Variants in SEC23B observed in about 807,000 individuals in gnomAD.
SEC23B encodes the protein SEC23 homolog B, COPII component, also known as protein transport protein Sec23B.
SEC23B carries 77 observed loss-of-function variants against 104.3 expected under a neutral mutation model. The observed-to-expected ratio is 0.74, with a 90% CI of 0.61 to 0.89. The LOEUF (loss-of-function observed/expected upper bound fraction) is 0.89. Ranked by LOEUF, SEC23B falls within the 40% of genes least tolerant of loss-of-function variation. The probability of loss-of-function intolerance (pLI) is 0.00; values close to 1 mark genes in which losing one functional copy is unlikely to be tolerated. For missense variants in SEC23B, 885 were observed against 949.4 expected (o/e 0.93, Z 0.89); for synonymous variants, 338 against 332.5 (o/e 1.02, Z -0.18).
intron 12 of SEC23B, among the ~76,000 whole-genome samples, chr20:18,539,348 AC>A (rs1194438582): frequency 6.6e-6 from 1 of 151,712 alleles, no homozygotes; most frequent in Non-Finnish European, 1.5e-5. Flanking sequence ...TACTAAAAAT[AC>A]AAAAAACAAA....
chr20:18,537,211 A>G (rs377069706), intron 12 of SEC23B, among the ~76,000 whole-genome samples: 1 of 151,248 alleles, frequency 6.6e-6, no homozygotes, highest in African/African-American at 2.4e-5. Context: ...AACTAGAAAT[A>G]CCATTTGACC....
intron 12 of SEC23B, 132 bp from the exon 13 acceptor site, chr20:18,542,164 T>G: frequency 1.2e-6 from 1 of 823,932 alleles, no homozygotes; most frequent in Non-Finnish European, 2.1e-6. Context: ...AAATCCTAAG[T>G]GTGCCCTTCA....
intron 9 of SEC23B, 131 bp downstream of exon 9, chr20:18,527,742 G>A: frequency 1.3e-6 from 1 of 769,178 alleles, no homozygotes; most frequent in Non-Finnish European, 2.4e-6. Context: ...TATGGTTTCA[G>A]TGACTGGGGA....
intron 12 of SEC23B, among the ~76,000 whole-genome samples, chr20:18,538,758 C>T (rs908226776): frequency 1.3e-5 from 2 of 152,144 alleles, no homozygotes; most frequent in African/African-American, 4.8e-5. Flanking sequence ...GTCATTTCAA[C>T]AGTGTCACAG....
chr20:18,534,734 C>A (rs1175385279), intron 11 of SEC23B, among the ~76,000 whole-genome samples: 1 of 152,186 alleles, frequency 6.6e-6, no homozygotes, highest in Non-Finnish European at 1.5e-5. Flanking sequence ...ATAAAATGGT[C>A]ATTTCCTAAT....
Position 18,515,720 on chromosome 20 carries a change from T to A in SEC23B, c.350T>A (p.Ile117Asn). Residue 117 changes from isoleucine to asparagine, a missense_variant, in exon 4 of 20, where the codon ATT becomes AAT. Coordinates refer to ENST00000650089, the MANE Select transcript of SEC23B (RefSeq NM_006363.6). ...PAELMPQFST[I>N]EYVIQRGAQS... ...GAATTGATGCCCCAGTTTTCTACAA[T>A]TGAGTACGTGATACAGGTAATTTCT... 6.3e-7 allele frequency: 1 copy of A among 1,597,054 alleles called. No individual in the cohort carries two copies. Among genetic ancestry groups the A allele is most frequent in the Middle Eastern group, 1.7e-4 (1 of 6,038 alleles).
intron 15 of SEC23B, among the ~76,000 whole-genome samples, chr20:18,546,736 GGTTAAA>G (rs2060335932): frequency 6.6e-6 from 1 of 152,112 alleles, no homozygotes; most frequent in South Asian, 2.1e-4. Flanking sequence ...ATGTGCCAGA[GGTTAAA>G]GCTGTGTGGT....
chr20:18,523,883 T>G (rs761400379), intron 4 of SEC23B, among the ~76,000 whole-genome samples: 2 of 152,136 alleles, frequency 1.3e-5, no homozygotes, highest in African/African-American at 2.4e-5. Flanking sequence ...TTTTAAATTT[T>G]TATATTTTTT....
At chr20:18,515,267 G>A (rs1397280529) in intron 3 of SEC23B, among the ~76,000 whole-genome samples, 1 of 152,194 alleles carries the variant, frequency 6.6e-6, no homozygotes, top group Non-Finnish European at 1.5e-5. Flanking sequence ...TTTTTAACGT[G>A]TCCTGTATTT....
At chr20:18,530,314 C>T (rs1250363713) in intron 9 of SEC23B, among the ~76,000 whole-genome samples, 6 of 151,684 alleles carry the variant, frequency 4.0e-5, no homozygotes, top group East Asian at 3.9e-4. Context: ...TGCAGTGGTC[C>T]GATCTTGGTT....
At chr20:18,532,587 G>A in intron 10 of SEC23B, 77 bp from the exon 11 acceptor site, 2 of 1,022,168 alleles carry the variant, frequency 2.0e-6, no homozygotes, top group Middle Eastern at 4.1e-4. Flanking sequence ...TTCCCTCTAA[G>A]CTTTCATTGT....
intron 7 of SEC23B, 25 bp downstream of exon 7, chr20:18,525,957 C>G: frequency 6.2e-7 from 1 of 1,612,636 alleles, no homozygotes; most frequent in Non-Finnish European, 8.5e-7. Flanking sequence ...ACCAGGACCT[C>G]TCAAATCATA....
chr20:18,535,719 A>T lies in SEC23B; in HGVS notation c.1381A>T (p.Ile461Phe). ...CGLDPTSTLG[I>F]YFEVVNQHNT... ...CCTAGATCCTACATCTACACTTGGC[A>T]TCTATTTTGAAGTTGTCAATCAGGT... The change falls in exon 12 of 20, where the codon ATC (isoleucine) becomes TTC (phenylalanine). Residue 461 changes from isoleucine (I) to phenylalanine (F), a missense_variant. Coordinates refer to ENST00000650089, the MANE Select transcript of SEC23B (RefSeq NM_006363.6). The T allele has an allele frequency of 6.2e-7, 1 of 1,613,972 alleles. No homozygotes were observed. The highest frequency in any genetic ancestry group is 8.5e-7 in the Non-Finnish European group (1 of 1,179,892).
chr20:18,535,184 C>G (rs1229319085), intron 11 of SEC23B, among the ~76,000 whole-genome samples: 2 of 151,534 alleles, frequency 1.3e-5, no homozygotes, highest in East Asian at 3.9e-4. Flanking sequence ...AGAGACACCC[C>G]CTGACACACC....
chr20:18,560,786 A>C lies in SEC23B; in HGVS notation c.*46A>C, dbSNP rs1401059532. 1 of 1,387,108 alleles carries C rather than the reference A, an allele frequency of 7.2e-7. No homozygotes were observed. Among genetic ancestry groups the C allele is most frequent in the Non-Finnish European group, 1.0e-6 (1 of 972,756 alleles). The allele number at this position is 1,387,108 out of a possible 1,614,324, so 85.9% of individuals were successfully genotyped here. ...ATGCAACGGTGTCAGATTGTGTTCA[A>C]AATGTCTAGAAAGGCTTGATAACAT... is the stretch of plus-strand genomic sequence containing the variant. On this transcript the variant is annotated 3_prime_UTR_variant, in exon 20 of 20. Coordinates refer to ENST00000650089, the MANE Select transcript of SEC23B (RefSeq NM_006363.6).
At chr20:18,551,669 A>T (rs1392220355) in intron 17 of SEC23B, among the ~76,000 whole-genome samples, 1 of 152,104 alleles carries the variant, frequency 6.6e-6, no homozygotes, top group African/African-American at 2.4e-5. Flanking sequence ...AGCTGAGATC[A>T]CACCACTGCA....
chr20:18,539,583 C>T (rs1259780247), intron 12 of SEC23B, among the ~76,000 whole-genome samples: 1 of 151,186 alleles, frequency 6.6e-6, no homozygotes, highest in Non-Finnish European at 1.5e-5. Flanking sequence ...GGGCTTAAGC[C>T]ACCTTGGCCT....
intron 12 of SEC23B, among the ~76,000 whole-genome samples, chr20:18,541,333 C>T (rs770895862): frequency 7.9e-5 from 12 of 152,266 alleles, no homozygotes; most frequent in South Asian, 2.1e-4. Flanking sequence ...TTATCATTCA[C>T]GTGTTCACTT....
intron 10 of SEC23B, among the ~76,000 whole-genome samples, chr20:18,531,670 A>AAC (rs1310553749): frequency 6.6e-6 from 1 of 151,276 alleles, no homozygotes; most frequent in Non-Finnish European, 1.5e-5. Flanking sequence ...AAAAAAAAAA[A>AAC]AGACAGCATT....
Sources: gnomAD v4.1 joint callset for allele counts (sites outside exome capture counted in the v4.1 genomes callset) on GRCh38, gnomAD v4.1.1 for gene constraint, MANE v1.5 for transcripts, NCBI Gene and HGNC (gene_info 2026-07-23, HGNC 2026-07-21) for gene names.